PCDHGA2: variants seen among roughly 807,000 people sequenced by gnomAD.
PCDHGA2 encodes protocadherin gamma subfamily A, 2, also known as protocadherin gamma-A2.
A neutral mutation model predicts 59.2 loss-of-function variants in PCDHGA2; 40 were observed. The observed-to-expected ratio is 0.68, with a 90% CI of 0.52 to 0.88. PCDHGA2 has a LOEUF of 0.88. Ranked by LOEUF, PCDHGA2 falls within the 40% of genes least tolerant of loss-of-function variation. PCDHGA2 has a pLI of 0.00. For missense variants in PCDHGA2, 1,226 were observed against 1,204.0 expected (o/e 1.02, Z -0.27); for synonymous variants, 560 against 526.0 (o/e 1.06, Z -0.89).
intron 1 of PCDHGA2, among the ~76,000 whole-genome samples, chr5:141,464,155 C>T (rs2099076990): frequency 1.3e-5 from 2 of 151,614 alleles, no homozygotes; most frequent in African/African-American, 4.8e-5. Flanking sequence ...GTCCCAGCTA[C>T]TTGGAAGGCT....
intron 1 of PCDHGA2, among the ~76,000 whole-genome samples, chr5:141,452,529 G>A (rs758947494): frequency 1.3e-5 from 2 of 152,176 alleles, no homozygotes; most frequent in Non-Finnish European, 2.9e-5. Context: ...AAAATCGTGA[G>A]TTCATATTGA....
chr5:141,366,025 C>T (rs1764265075), intron 1 of PCDHGA2: 1 of 1,614,128 alleles, frequency 6.2e-7, no homozygotes, highest in Non-Finnish European at 8.5e-7. Context: ...TCCTGTACCC[C>T]GCCCTCCCCA....
At chr5:141,344,513 A>G (rs1456522332) in intron 1 of PCDHGA2, 7 of 1,613,906 alleles carry the variant, frequency 4.3e-6, no homozygotes. Context: ...CTTTTGACCC[A>G]GATGTAGGCA....
At chr5:141,392,946 G>C (rs1175467046) in intron 1 of PCDHGA2, 11 of 1,613,940 alleles carry the variant, frequency 6.8e-6, no homozygotes, top group Non-Finnish European at 9.3e-6. Flanking sequence ...AGGCTCCTTC[G>C]TGGGTAATAT....
intron 1 of PCDHGA2, chr5:141,407,920 C>T: frequency 2.1e-6 from 1 of 475,788 alleles, no homozygotes; most frequent in Non-Finnish European, 3.6e-6. Context: ...GCTGCTGTCC[C>T]GCACGGAGCC....
intron 1 of PCDHGA2, among the ~76,000 whole-genome samples, chr5:141,434,605 T>C (rs1448149059): frequency 6.6e-6 from 1 of 152,198 alleles, no homozygotes; most frequent in Non-Finnish European, 1.5e-5. Context: ...ATCCCTTTAT[T>C]TCCGCCCATC....
Position 141,340,868 on chromosome 5 carries a change from C to A in PCDHGA2, c.1897C>A (p.Leu633Met), listed in dbSNP as rs747930597. The change falls in exon 1 of 4, where the codon CTG (leucine) becomes ATG (methionine). Residue 633 changes from leucine to methionine, a missense_variant. By Grantham distance (15) the Leu-to-Met change is conservative. Coordinates refer to ENST00000394576, the MANE Select transcript of PCDHGA2 (RefSeq NM_018915.4). ...CGAGGTGCGCACGGCGCGAGCCCTG[C>A]TGGACAGAGACGCGCTCAAGCAGAG... is the stretch of plus-strand genomic sequence containing the variant. ...TGEVRTARAL[L>M]DRDALKQSLV... 1 of 1,613,674 alleles carries A rather than the reference C, an allele frequency of 6.2e-7. No individual in the cohort carries two copies. Among genetic ancestry groups the A allele is most frequent in the Admixed American group, 1.7e-5 (1 of 60,010 alleles).
At chr5:141,401,159 T>G (rs2094122338) in intron 1 of PCDHGA2, among the ~76,000 whole-genome samples, 1 of 152,076 alleles carries the variant, frequency 6.6e-6, no homozygotes, top group Admixed American at 6.6e-5. Context: ...CTGGGCAATA[T>G]GGTGAAAACC....
chr5:141,366,388 T>G, intron 1 of PCDHGA2: 5 of 1,614,152 alleles, frequency 3.1e-6, no homozygotes, highest in Non-Finnish European at 4.2e-6. Context: ...ACCCTGAGGA[T>G]CTGGACCTCA....
intron 1 of PCDHGA2, chr5:141,343,337 T>C: frequency 1.0e-6 from 1 of 981,986 alleles, no homozygotes; most frequent in Non-Finnish European, 1.2e-6. Context: ...TTTTTTTCCT[T>C]GTCTCAGCTC....
Position 141,432,108 on chromosome 5 carries a change from C to T in PCDHGA2, c.2425-62699C>T, listed in dbSNP as rs1432933024. The T allele has an allele frequency of 1.9e-6, 3 of 1,614,180 alleles. No homozygotes were observed. The highest frequency in any genetic ancestry group is 1.7e-5 in the Admixed American group (1 of 60,020). Reference sequence around the variant, plus strand: ...GTGGCAGACACCAACGACAACCCGCCGGTCTTCCCTCAGGCCTCCTATTCC... The same window carrying T: ...GTGGCAGACACCAACGACAACCCGCTGGTCTTCCCTCAGGCCTCCTATTCC... On this transcript the variant is annotated intron_variant, in intron 1 of 3. Coordinates refer to ENST00000394576, the MANE Select transcript of PCDHGA2 (RefSeq NM_018915.4). The surrounding 1 kb of genome is among the most constrained non-coding windows in gnomAD (Gnocchi z 6.0).
rs369551410 is a variant in PCDHGA2, at chr5:141,415,294, G to A, written c.2424+73899G>A. ...GGTAGCGGTGGCCGCGGTCTCCTGC[G>A]TCTTCCTGGCCTTCGTCATCGTGCT... On this transcript the variant is annotated intron_variant, in intron 1 of 3. Transcript: ENST00000394576. 10 of 1,614,050 alleles carry A rather than the reference G, an allele frequency of 6.2e-6. No homozygotes were observed. In the African/African-American group the frequency reaches 1.1e-4, roughly 17 times the overall value.
chr5:141,430,480 A>G (rs2097288752), intron 1 of PCDHGA2: 1 of 256,116 alleles, frequency 3.9e-6, no homozygotes, highest in Admixed American at 5.4e-5. Context: ...TTAAGATATA[A>G]AAACGAAATA....
At position 141,432,202 on chromosome 5, in the gene PCDHGA2, T is replaced by C; in HGVS notation, c.2425-62605T>C. 1 of 1,614,120 alleles carries C rather than the reference T, an allele frequency of 6.2e-7. No homozygotes were observed. The highest frequency in any genetic ancestry group is 1.1e-5 in the South Asian group (1 of 91,072). ...CTGTGACCGCCCACGACCCCGACTGTGAAGAGAACGCCCAGATCACTTATT... is the reference window on the plus strand; with the variant it reads ...CTGTGACCGCCCACGACCCCGACTGCGAAGAGAACGCCCAGATCACTTATT... On this transcript the variant is annotated intron_variant, in intron 1 of 3. Coordinates refer to ENST00000394576, the MANE Select transcript of PCDHGA2 (RefSeq NM_018915.4). The surrounding 1 kb of genome is among the most constrained non-coding windows in gnomAD (Gnocchi z 6.0).
chr5:141,476,367 G>C lies in PCDHGA2; in HGVS notation c.2425-18440G>C, dbSNP rs754652710. ...TTCTTTGAGGTGAACCGGGAGACCG[G>C]AGAGATGTTTGTGAACGACCGTCTG... On this transcript the variant is annotated intron_variant, in intron 1 of 3. Transcript: ENST00000394576. This position sits in a 1 kb window ranked among gnomAD's most constrained non-coding sequence, Gnocchi z 7.6. 6.2e-7 allele frequency: 1 copy of C among 1,614,172 alleles called. No homozygotes were observed. Among genetic ancestry groups the C allele is most frequent in the Non-Finnish European group, 8.5e-7 (1 of 1,180,036 alleles).
chr5:141,404,147 G>A lies in PCDHGA2; in HGVS notation c.2424+62752G>A, dbSNP rs750117507. 2 of 1,612,990 alleles carry A rather than the reference G, an allele frequency of 1.2e-6. No homozygotes were observed. The highest frequency in any genetic ancestry group is 1.7e-6 in the Non-Finnish European group (2 of 1,179,340). ...ATCTTTTACATTAGAAAATTCAGAA[G>A]AAGATTATTACAGATTGTTGACGGC... On this transcript the variant is annotated intron_variant, in intron 1 of 3. Coordinates refer to ENST00000394576, the MANE Select transcript of PCDHGA2 (RefSeq NM_018915.4).
intron 1 of PCDHGA2, among the ~76,000 whole-genome samples, chr5:141,353,712 A>C (rs893313768): frequency 6.6e-6 from 1 of 152,180 alleles, no homozygotes; most frequent in African/African-American, 2.4e-5. Flanking sequence ...TTGTTTCTTT[A>C]GTGTAGATTT....
chr5:141,378,083 A>G (rs1774605949), intron 1 of PCDHGA2: 2 of 152,174 alleles, frequency 1.3e-5, no homozygotes, highest in South Asian at 4.1e-4. Context: ...TAATTTTATA[A>G]CTTTTTTTCA....
chr5:141,380,649 A>G (rs1354203302), intron 1 of PCDHGA2, among the ~76,000 whole-genome samples: 1 of 152,230 alleles, frequency 6.6e-6, no homozygotes, highest in East Asian at 1.9e-4. Flanking sequence ...GCTAGAGACA[A>G]TGAAGCCATT....
Sources: gnomAD v4.1 joint callset for allele counts (sites outside exome capture counted in the v4.1 genomes callset) on GRCh38, gnomAD v4.1.1 for gene constraint, Gnocchi (gnomAD v3.1) non-coding constraint, MANE v1.5 for transcripts, NCBI Gene and HGNC (gene_info 2026-07-23, HGNC 2026-07-21) for gene names.